The following PKP4 variants were observed in gnomAD, a reference collection of about 807,000 sequenced individuals.
PKP4 encodes plakophilin-4.
A neutral mutation model predicts 145.1 loss-of-function variants in PKP4; 90 were observed. The observed-to-expected ratio is 0.62, with a 90% CI of 0.52 to 0.74. The LOEUF is 0.74. Ranked by LOEUF, PKP4 falls within the 30% of genes least tolerant of loss-of-function variation. PKP4 has a pLI of 0.00. For missense variants in PKP4, 1,340 were observed against 1,482.7 expected, an observed-to-expected ratio of 0.90 and a Z score of 1.58; for synonymous variants, 563 against 577.2, an observed-to-expected ratio of 0.98 and a Z score of 0.35.
At chr2:158,496,122 A>G (rs1481921953) in intron 1 of PKP4, among the ~76,000 whole-genome samples, 2 of 151,112 alleles carry the variant, frequency 1.3e-5, no homozygotes, top group African/African-American at 4.9e-5. Flanking sequence ...CTGGGACTAC[A>G]GGCACGTGCC....
At chr2:158,534,641 A>G (rs1242836318) in intron 2 of PKP4, among the ~76,000 whole-genome samples, 1 of 152,166 alleles carries the variant, frequency 6.6e-6, no homozygotes, top group Admixed American at 6.5e-5. Context: ...AACGTGGTAA[A>G]TTTATCAAAA....
chr2:158,670,466 G>A (rs2057459176), intron 17 of PKP4, among the ~76,000 whole-genome samples: 1 of 152,104 alleles, frequency 6.6e-6, no homozygotes, highest in African/African-American at 2.4e-5. Context: ...ATCACCTTGG[G>A]GGTTGGAATT....
At chr2:158,495,790 C>G (rs1353480150) in intron 1 of PKP4, among the ~76,000 whole-genome samples, 1 of 151,390 alleles carries the variant, frequency 6.6e-6, no homozygotes, top group Non-Finnish European at 1.5e-5. Context: ...GCTGAGATTG[C>G]ACCTCTGCAC....
At position 158,621,177 on chromosome 2, in the gene PKP4, A is replaced by C. The variant is rs2052196556; in HGVS notation, c.413-54A>C. 3 of 1,613,282 alleles carry C rather than the reference A, an allele frequency of 1.9e-6. No homozygotes were observed. In the African/African-American group the frequency reaches 4.0e-5, roughly 22 times the overall value. ...TTGCTTTTAAGATTTTATTCTTGAA[A>C]GCGAGTGTCAGAAGTGTGTATAATA... is the stretch of plus-strand genomic sequence containing the variant. On this transcript the variant is annotated intron_variant, in intron 5 of 21. Coordinates refer to ENST00000389759, the MANE Select transcript of PKP4 (RefSeq NM_003628.6).
chr2:158,611,131 A>T (rs778235778), intron 4 of PKP4, among the ~76,000 whole-genome samples: 60 of 152,206 alleles, frequency 3.9e-4, no homozygotes, highest in Non-Finnish European at 6.6e-4. Context: ...AGAAAATAGT[A>T]ACAATTCTGT....
intron 7 of PKP4, among the ~76,000 whole-genome samples, chr2:158,629,190 G>T (rs1373455863): frequency 6.6e-6 from 1 of 152,148 alleles, no homozygotes; most frequent in African/African-American, 2.4e-5. Flanking sequence ...TTTAAAGTTG[G>T]TTTCCATGGC....
chr2:158,577,033 TA>T (rs2047913766), intron 2 of PKP4, among the ~76,000 whole-genome samples: 1 of 151,792 alleles, frequency 6.6e-6, no homozygotes, highest in Non-Finnish European at 1.5e-5. Flanking sequence ...AAAAGGCAAA[TA>T]AAGATCTACA....
intron 4 of PKP4, among the ~76,000 whole-genome samples, chr2:158,614,419 T>A (rs536169292): frequency 6.6e-6 from 1 of 152,270 alleles, no homozygotes; most frequent in South Asian, 2.1e-4. Flanking sequence ...ATAAATGATA[T>A]GAAGAAACCA....
At chr2:158,635,625 G>GT (rs1188962466) in intron 9 of PKP4, among the ~76,000 whole-genome samples, 2 of 152,140 alleles carry the variant, frequency 1.3e-5, no homozygotes, top group African/African-American at 4.8e-5. Flanking sequence ...GAAGACTTCA[G>GT]TTTTGACCTC....
intron 1 of PKP4, among the ~76,000 whole-genome samples, chr2:158,512,808 G>C (rs2041628130): frequency 6.6e-6 from 1 of 152,224 alleles, no homozygotes; most frequent in South Asian, 2.1e-4. Flanking sequence ...CAGTTTTACA[G>C]TTCTCAGAAC....
Position 158,673,877 on chromosome 2 carries a change from C to A in PKP4, c.3010-6C>A, listed in dbSNP as rs750796799. The A allele has an allele frequency of 6.3e-7, 1 of 1,585,768 alleles. No homozygotes were observed. The highest frequency in any genetic ancestry group is 8.7e-7 in the Non-Finnish European group (1 of 1,154,030). On this transcript the variant is annotated splice_polypyrimidine_tract_variant and splice_region_variant and intron_variant, in intron 18 of 21. Coordinates refer to ENST00000389759, the MANE Select transcript of PKP4 (RefSeq NM_003628.6). ...TGAGAGGTTTCTTTTTCTCTTAACT[C>A]TGCAGGATGGGTGGAATCAGAACCA...
intron 8 of PKP4, among the ~76,000 whole-genome samples, chr2:158,633,441 C>A (rs1444915517): frequency 1.3e-5 from 2 of 152,224 alleles, no homozygotes; most frequent in African/African-American, 4.8e-5. Context: ...CATGGGTACA[C>A]TGGACAAAGG....
chr2:158,627,595 A>G (rs2052922579), intron 7 of PKP4, among the ~76,000 whole-genome samples: 1 of 151,834 alleles, frequency 6.6e-6, no homozygotes, highest in East Asian at 1.9e-4. Flanking sequence ...GTTTTGTACT[A>G]CATTCAGGGA....
At chr2:158,676,597 G>A in intron 19 of PKP4, 142 bp from the exon 20 acceptor site, 1 of 998,676 alleles carries the variant, frequency 1.0e-6, no homozygotes, top group Non-Finnish European at 1.5e-6. Flanking sequence ...TCCACTCCCA[G>A]CACCTCTGAG....
chr2:158,520,449 T>G (rs1300733404), intron 1 of PKP4, among the ~76,000 whole-genome samples: 2 of 152,248 alleles, frequency 1.3e-5, no homozygotes, highest in East Asian at 3.8e-4. Context: ...GTGAATAATC[T>G]TTAGTATTTA....
Position 158,678,592 on chromosome 2 carries a change from C to T in PKP4, c.3268C>T (p.Pro1090Ser). 6.2e-7 allele frequency: 1 copy of T among 1,609,692 alleles called. No homozygotes were observed. The highest frequency in any genetic ancestry group is 1.1e-5 in the South Asian group (1 of 90,986). Residue 1090 changes from proline (P) to serine (S), a missense_variant, in exon 21 of 22, where the codon CCT (proline) becomes TCT (serine). Transcript: ENST00000389759. ...HKGLYPGSSK[P>S]SPIYISSYSS... Reference sequence around the variant, plus strand: ...ATATTTTCTTACAGGCTCCAGCAAACCTTCACCAATTTACATCAGTTCCTA... The same window carrying T: ...ATATTTTCTTACAGGCTCCAGCAAATCTTCACCAATTTACATCAGTTCCTA...
At chr2:158,529,980 A>G (rs576161852) in intron 1 of PKP4, among the ~76,000 whole-genome samples, 3 of 152,316 alleles carry the variant, frequency 2.0e-5, no homozygotes, top group Non-Finnish European at 4.4e-5. Flanking sequence ...AGAAACCTCT[A>G]TAGGTTGATG....
intron 1 of PKP4, among the ~76,000 whole-genome samples, chr2:158,461,291 G>C (rs954011057): frequency 6.6e-6 from 1 of 152,190 alleles, no homozygotes; most frequent in African/African-American, 2.4e-5. Flanking sequence ...GAATGTTGCA[G>C]ACATTTTCTT....
At chr2:158,603,557 G>A (rs2050400172) in intron 4 of PKP4, among the ~76,000 whole-genome samples, 1 of 152,052 alleles carries the variant, frequency 6.6e-6, no homozygotes, top group Admixed American at 6.6e-5. Flanking sequence ...TTTCCATGTA[G>A]TCTCTCTATC....
Sources: allele counts gnomAD v4.1 joint callset (sites outside exome capture counted in the v4.1 genomes callset), GRCh38; gene constraint gnomAD v4.1.1; transcripts MANE v1.5; gene names NCBI Gene and HGNC (gene_info 2026-07-23, HGNC 2026-07-21).